Variants in SALL3 observed in about 807,000 individuals in gnomAD.
SALL3 encodes the protein spalt like transcription factor 3, also known as sal-like protein 3.
Under a neutral mutation model 66.2 loss-of-function variants are expected in SALL3, and 25 were observed. That is an observed-to-expected ratio of 0.38 (90% CI 0.28 to 0.53). The LOEUF (loss-of-function observed/expected upper bound fraction) is 0.53, where lower values mean the gene tolerates loss of function less well. Among genes scored for constraint, SALL3 ranks in the 20% least tolerant of loss-of-function variants. The probability of loss-of-function intolerance (pLI) is 0.85; values close to 1 mark genes in which losing one functional copy is unlikely to be tolerated. For synonymous variants in SALL3, 1,152 were observed against 899.1 expected (o/e 1.28, Z -5.03); for missense variants, 2,194 against 1,916.5 (o/e 1.14, Z -2.70).
Position 78,992,168 on chromosome 18 carries a change from GTTC to G in SALL3, c.181_183del (p.Phe61del), listed in dbSNP as rs1482458861. The G allele has an allele frequency of 2.5e-6, 4 of 1,609,678 alleles. No homozygotes were observed. The highest frequency in any genetic ancestry group is 1.3e-5 in the African/African-American group (1 of 74,726). On this transcript the variant is annotated inframe_deletion, in exon 2 of 3. Coordinates refer to ENST00000537592, the MANE Select transcript of SALL3 (RefSeq NM_171999.4). ...GCGTGTGCGAGAAATGCTGCGCCGAGTTCTTCAAGTGGGCGGACTTCCTGGAGC... is the reference window on the plus strand; with the variant it reads ...GCGTGTGCGAGAAATGCTGCGCCGAGTTCAAGTGGGCGGACTTCCTGGAGC...
At position 78,980,256 on chromosome 18, in the gene SALL3, C is replaced by A; in HGVS notation, c.-19C>A. 8.0e-7 allele frequency: 1 copy of A among 1,250,306 alleles called. No homozygotes were observed. The highest frequency in any genetic ancestry group is 1.0e-6 in the Non-Finnish European group (1 of 978,760). The allele number at this position is 1,250,306 out of a possible 1,614,324, so 77.5% of individuals were successfully genotyped here. ...GCTGATGCCGCTGCCCCGCGCGGGG[C>A]CCGAGCGCCGCTAGCAGCATGTCTC... On this transcript the variant is annotated 5_prime_UTR_variant, in exon 1 of 3. Transcript: ENST00000537592.
Position 78,994,593 on chromosome 18 carries a change from G to C in SALL3, c.2602G>C (p.Gly868Arg). Residue 868 changes from glycine to arginine, a missense_variant, in exon 2 of 3, where the codon GGG becomes CGG. Transcript: ENST00000537592. The stretch of plus-strand genomic sequence containing the variant: ...GACCGGCCTCAAGTCCGTGGAGAAC[G>C]GGTCCGGGGAGAGTGACCGCCTGAG... ...QLTGLKSVENGSGESDRLSND... is the reference protein window; with the variant it reads ...QLTGLKSVENRSGESDRLSND... The C allele has an allele frequency of 7.5e-6, 12 of 1,609,580 alleles. No individual in the cohort carries two copies. The highest frequency in any genetic ancestry group is 1.0e-5 in the Non-Finnish European group (12 of 1,177,752).
At position 78,992,451 on chromosome 18, in the gene SALL3, C is replaced by A. The variant is rs1481037663; in HGVS notation, c.460C>A (p.Pro154Thr). ...APRPPPAAPAPPTPAYGAPST... is the reference protein window; with the variant it reads ...APRPPPAAPATPTPAYGAPST... ...CCGGCCCCCGCCTGCGGCCCCTGCA[C>A]CCCCAACGCCCGCCTACGGCGCGCC... Residue 154 changes from proline (P) to threonine (T), a missense_variant, in exon 2 of 3, where the codon CCC becomes ACC. Pro to Thr is a conservative substitution (Grantham distance 38). Coordinates refer to ENST00000537592, the MANE Select transcript of SALL3 (RefSeq NM_171999.4). 1 of 1,424,386 alleles carries A rather than the reference C, an allele frequency of 7.0e-7. No homozygotes were observed. Among genetic ancestry groups the A allele is most frequent in the South Asian group, 1.3e-5 (1 of 74,840 alleles). The allele number at this position is 1,424,386 out of a possible 1,614,324, so 88.2% of individuals were successfully genotyped here. A position where few individuals can be genotyped will look rare whatever the true frequency, so the allele number is the denominator to read the frequency against.
intron 1 of SALL3, 80 bp from the exon 2 acceptor site, chr18:78,991,994 A>G: frequency 1.7e-6 from 2 of 1,194,578 alleles, no homozygotes; most frequent in South Asian, 1.8e-5. Context: ...AAAATAAAAA[A>G]TATTGATTTT....
rs369656383 is a variant in SALL3 at position 78,993,976 on chromosome 18, C to G, written c.1985C>G (p.Ser662Trp). The G allele has an allele frequency of 1.9e-5, 30 of 1,611,816 alleles. No homozygotes were observed. Among genetic ancestry groups the G allele is most frequent in the Non-Finnish European group, 2.5e-5 (29 of 1,179,514 alleles). Residue 662 changes from serine to tryptophan, a missense_variant, in exon 2 of 3, where the codon TCG becomes TGG. By Grantham distance (177) the Ser-to-Trp change is radical. Coordinates refer to ENST00000537592, the MANE Select transcript of SALL3 (RefSeq NM_171999.4). ...LLDSMQTSET[S>W]KLQQLVENID... Reference sequence around the variant, plus strand: ...GACTCGATGCAAACGTCGGAAACCTCGAAGCTGCAGCAGCTGGTGGAGAAC... The same window carrying G: ...GACTCGATGCAAACGTCGGAAACCTGGAAGCTGCAGCAGCTGGTGGAGAAC...
rs1294288544 is a variant in SALL3 at position 78,993,755 on chromosome 18, C to T, written c.1764C>T (p.Leu588=). 1.9e-6 allele frequency: 3 copies of T among 1,542,902 alleles called. No homozygotes were observed. The highest frequency in any genetic ancestry group is 1.2e-5 in the South Asian group (1 of 81,800). Reference sequence around the variant, plus strand: ...CCGCCGAGTCCCCACAGTCGCTCCTCGGCGGGCCGCCCCTCACTAAAGCCG... The same window carrying T: ...CCGCCGAGTCCCCACAGTCGCTCCTTGGCGGGCCGCCCCTCACTAAAGCCG... ...SATAESPQSL[L]GGPPLTKAEP... The change falls in exon 2 of 3, where the codon CTC becomes CTT. Residue 588 remains leucine, a synonymous_variant. Coordinates refer to ENST00000537592, the MANE Select transcript of SALL3 (RefSeq NM_171999.4).
In SALL3 at chr18:78,992,449, C is replaced by G. The variant is rs1914475371; in HGVS notation, c.458C>G (p.Ala153Gly). The G allele has an allele frequency of 2.8e-6, 4 of 1,417,502 alleles. No individual in the cohort carries two copies. The highest frequency in any genetic ancestry group is 3.7e-6 in the Non-Finnish European group (4 of 1,091,534). 87.8% of individuals were successfully genotyped at this position (1,417,502 alleles called of 1,614,324 possible). A position where few individuals can be genotyped will look rare whatever the true frequency, so the allele number is the denominator to read the frequency against. The change falls in exon 2 of 3, where the codon GCA becomes GGA. Residue 153 changes from alanine (A) to glycine (G), a missense_variant. By Grantham distance (60) the Ala-to-Gly change is moderately conservative. Coordinates refer to ENST00000537592, the MANE Select transcript of SALL3 (RefSeq NM_171999.4). ...CCCCGGCCCCCGCCTGCGGCCCCTG[C>G]ACCCCCAACGCCCGCCTACGGCGCG... The part of the protein sequence containing the change: ...RAPRPPPAAP[A>G]PPTPAYGAPS...
rs1913939615 is a variant in SALL3, at chr18:78,980,005, C to T, written c.-270C>T. On this transcript the variant is annotated 5_prime_UTR_variant, in exon 1 of 3. Coordinates refer to ENST00000537592, the MANE Select transcript of SALL3 (RefSeq NM_171999.4). ...GCGCCCCGGTCCCGAGGCGCCGCGG[C>T]CCCCTCCTCGTCGGCGCGGCCGCTA... 6.9e-6 allele frequency among the ~76,000 whole-genome samples: 1 copy of T among 145,620 alleles called. No individual in the cohort carries two copies. Among genetic ancestry groups the T allele is most frequent in the Non-Finnish European group, 1.5e-5 (1 of 65,532 alleles).
intron 1 of SALL3, among the ~76,000 whole-genome samples, chr18:78,987,752 G>T (rs1914295394): frequency 6.6e-6 from 1 of 152,074 alleles, no homozygotes; most frequent in Admixed American, 6.5e-5. Flanking sequence ...AAGTAGCCCT[G>T]GCCAGATACT....
Position 78,994,428 on chromosome 18 carries a change from G to T in SALL3, c.2437G>T (p.Asp813Tyr). The stretch of plus-strand genomic sequence containing the variant: ...CATGGAGGACGACGCTGAGCTGAAG[G>T]ACGCGGCCACCGACCCGGCCAAGCC... ...NSMEDDAELKDAATDPAKPLL... is the reference protein window; with the variant it reads ...NSMEDDAELKYAATDPAKPLL... The change falls in exon 2 of 3, where the codon GAC (aspartate) becomes TAC (tyrosine). Residue 813 changes from aspartate (D) to tyrosine (Y), a missense_variant. By Grantham distance (160) the Asp-to-Tyr change is radical (BLOSUM62 -3). Transcript: ENST00000537592. 1 of 1,612,548 alleles carries T rather than the reference G, an allele frequency of 6.2e-7. No homozygotes were observed. Among genetic ancestry groups the T allele is most frequent in the Non-Finnish European group, 8.5e-7 (1 of 1,179,928 alleles).
rs1449394569 is a variant in SALL3 at position 78,980,269 on chromosome 18, A to G, written c.-6A>G. ...CCCCGCGCGGGGCCCGAGCGCCGCTAGCAGCATGTCTCGGCGCAAGCAGGC... is the reference window on the plus strand; with the variant it reads ...CCCCGCGCGGGGCCCGAGCGCCGCTGGCAGCATGTCTCGGCGCAAGCAGGC... On this transcript the variant is annotated 5_prime_UTR_variant, in exon 1 of 3. An upstream open reading frame in the 5' UTR loses its in-frame stop. Transcript: ENST00000537592. The G allele has an allele frequency of 9.7e-6, 13 of 1,340,854 alleles. No individual in the cohort carries two copies. The highest frequency in any genetic ancestry group is 1.3e-5 in the Non-Finnish European group (13 of 1,031,748). 83.1% of individuals were successfully genotyped at this position (1,340,854 alleles called of 1,614,324 possible).
In SALL3 at chr18:78,980,047, C is replaced by T. The variant is rs1913943880; in HGVS notation, c.-228C>T. On this transcript the variant is annotated 5_prime_UTR_variant, in exon 1 of 3. Coordinates refer to ENST00000537592, the MANE Select transcript of SALL3 (RefSeq NM_171999.4). ...CGGCCGCTAATTGCGAGCGCGGCCTCATTTGCATAGGCCGCCGGAGTCCGC... is the reference window on the plus strand; with the variant it reads ...CGGCCGCTAATTGCGAGCGCGGCCTTATTTGCATAGGCCGCCGGAGTCCGC... Among the ~76,000 whole-genome samples, 1 of 145,970 alleles carries T rather than the reference C, an allele frequency of 6.9e-6. No homozygotes were observed. The highest frequency in any genetic ancestry group is 2.1e-4 in the South Asian group (1 of 4,786).
chr18:78,983,575 T>C (rs2146207485), intron 1 of SALL3, among the ~76,000 whole-genome samples: 1 of 152,328 alleles, frequency 6.6e-6, no homozygotes, highest in South Asian at 2.1e-4. Flanking sequence ...TTTAAATGTG[T>C]TGAGCATGTG....
In SALL3 at chr18:78,993,756, G is replaced by C. The variant is rs201685558; in HGVS notation, c.1765G>C (p.Gly589Arg). 1.3e-6 allele frequency: 2 copies of C among 1,543,078 alleles called. No homozygotes were observed. Among genetic ancestry groups the C allele is most frequent in the Non-Finnish European group, 8.7e-7 (1 of 1,154,546 alleles). Residue 589 changes from glycine to arginine, a missense_variant, in exon 2 of 3, where the codon GGC (glycine) becomes CGC (arginine). Transcript: ENST00000537592. ...ATAESPQSLL[G>R]GPPLTKAEPV... ...CGCCGAGTCCCCACAGTCGCTCCTCGGCGGGCCGCCCCTCACTAAAGCCGA... is the reference window on the plus strand; with the variant it reads ...CGCCGAGTCCCCACAGTCGCTCCTCCGCGGGCCGCCCCTCACTAAAGCCGA...
chr18:78,996,520 G>C (rs1189667990), intron 2 of SALL3, among the ~76,000 whole-genome samples: 4 of 152,222 alleles, frequency 2.6e-5, no homozygotes. Flanking sequence ...GATGCAAAGT[G>C]GGGGACAGTA....
At position 78,992,765 on chromosome 18, in the gene SALL3, G is replaced by A. The variant is rs965214418; in HGVS notation, c.774G>A (p.Leu258=). The change falls in exon 2 of 3, where the codon CTG becomes CTA. Residue 258 remains leucine, a synonymous_variant. Transcript: ENST00000537592. The part of the protein sequence containing the change: ...PSAPGPAPSQ[L]PGLAALPLSA... ...CACCGGGCCCGGCCCCCAGCCAGCT[G>A]CCCGGGCTGGCCGCGCTCCCGCTGT... 16 of 1,050,762 alleles carry A rather than the reference G, an allele frequency of 1.5e-5. No homozygotes were observed. The Admixed American group carries it at 8.0e-4, about 52-fold the overall frequency. The allele number at this position is 1,050,762 out of a possible 1,614,324, so 65.1% of individuals were successfully genotyped here. A position where few individuals can be genotyped will look rare whatever the true frequency, so the allele number is the denominator to read the frequency against.
chr18:78,995,598 G>A, intron 2 of SALL3, 136 bp downstream of exon 2: 1 of 1,351,660 alleles, frequency 7.4e-7, no homozygotes, highest in Middle Eastern at 2.1e-4. Context: ...ACGCCTGTGG[G>A]TGTGTGTGCG....
intron 1 of SALL3, 138 bp downstream of exon 1, chr18:78,980,494 C>G: frequency 4.4e-6 from 2 of 452,682 alleles, no homozygotes; most frequent in Non-Finnish European, 6.7e-6. Context: ...GCGTCCGCCC[C>G]GCGCCAGGCC....
rs2146216124 is a variant in SALL3, at chr18:78,993,093, G to T, written c.1102G>T (p.Ala368Ser). 1 of 1,600,126 alleles carries T rather than the reference G, an allele frequency of 6.2e-7. No homozygotes were observed. The highest frequency in any genetic ancestry group is 8.5e-7 in the Non-Finnish European group (1 of 1,176,908). The change falls in exon 2 of 3, where the codon GCC becomes TCC. Residue 368 changes from alanine to serine, a missense_variant. Transcript: ENST00000537592. ...AAGTCCGCTTCTACCTCAGACTTCC[G>T]CCAGCGGCGTCATCTTCCCCAACCC... ...LPSPLLPQTS[A>S]SGVIFPNPLV...
Sources: allele counts gnomAD v4.1 joint callset (sites outside exome capture counted in the v4.1 genomes callset), GRCh38; gene constraint gnomAD v4.1.1; transcripts MANE v1.5; gene names NCBI Gene and HGNC (gene_info 2026-07-23, HGNC 2026-07-21).